Variants in MATN2 observed in about 807,000 individuals in gnomAD.
MATN2 encodes the protein matrilin-2.
Under a neutral mutation model 103.2 loss-of-function variants are expected in MATN2, and 69 were observed. The ratio of observed to expected loss-of-function variants is 0.67; its 90% CI spans 0.55 to 0.82. The LOEUF (loss-of-function observed/expected upper bound fraction) is 0.82, where lower values mean the gene tolerates loss of function less well. Ranked by LOEUF, MATN2 falls within the 40% of genes least tolerant of loss-of-function variation. The pLI is 0.00. For missense variants in MATN2, 1,023 were observed against 1,211.5 expected (o/e 0.84, Z 2.31); for synonymous variants, 429 against 450.2 (o/e 0.95, Z 0.60).
intron 6 of MATN2, among the ~76,000 whole-genome samples, chr8:97,980,518 C>T (rs1223686762): frequency 6.7e-6 from 1 of 149,274 alleles, no homozygotes; most frequent in Admixed American, 6.7e-5. Context: ...AGTTACAGTA[C>T]AGGATGATAA....
At chr8:97,994,127 GGAGA>G (rs1246610133) in intron 6 of MATN2, among the ~76,000 whole-genome samples, 1 of 140,232 alleles carries the variant, frequency 7.1e-6, no homozygotes, top group African/African-American at 2.7e-5. Context: ...AGGAAGGAAG[GGAGA>G]GAGAGGAAGG....
chr8:97,992,313 AC>A (rs1200562403), intron 6 of MATN2, among the ~76,000 whole-genome samples: 1 of 152,108 alleles, frequency 6.6e-6, no homozygotes, highest in South Asian at 2.1e-4. Flanking sequence ...TATGTTTGTA[AC>A]TTTTTGTAAG....
intron 1 of MATN2, among the ~76,000 whole-genome samples, chr8:97,885,154 C>G (rs1334228127): frequency 6.6e-6 from 1 of 152,180 alleles, no homozygotes; most frequent in Non-Finnish European, 1.5e-5. Flanking sequence ...ACATCATATT[C>G]CAAGTGTTGA....
chr8:97,910,164 C>A (rs1031954540), intron 2 of MATN2, among the ~76,000 whole-genome samples: 1 of 151,726 alleles, frequency 6.6e-6, no homozygotes. Flanking sequence ...CAGGTTCAAG[C>A]GATTTTCCCA....
chr8:98,007,326 C>T lies in MATN2; in HGVS notation c.1450+99C>T. 1.3e-6 allele frequency: 2 copies of T among 1,569,818 alleles called. No individual in the cohort carries two copies. The highest frequency in any genetic ancestry group is 1.7e-6 in the Non-Finnish European group (2 of 1,148,514). ...CAGGTTGTACTTGGGCACCCCTCCCCTGCCCCTTGCTCTGCTCCAGGAGAT... is the reference window on the plus strand; with the variant it reads ...CAGGTTGTACTTGGGCACCCCTCCCTTGCCCCTTGCTCTGCTCCAGGAGAT... On this transcript the variant is annotated intron_variant, in intron 9 of 18. Coordinates refer to ENST00000254898, the MANE Select transcript of MATN2 (RefSeq NM_002380.5). This position sits in a 1 kb window ranked among gnomAD's most constrained non-coding sequence, Gnocchi z 4.2.
chr8:97,900,042 C>T (rs1818930393), intron 2 of MATN2, among the ~76,000 whole-genome samples: 1 of 152,186 alleles, frequency 6.6e-6, no homozygotes, highest in Non-Finnish European at 1.5e-5. Flanking sequence ...GAAGATGGGA[C>T]AGGAGTGCAA....
intron 6 of MATN2, among the ~76,000 whole-genome samples, chr8:97,988,262 C>G (rs1224184368): frequency 7.0e-6 from 1 of 143,878 alleles, no homozygotes; most frequent in Non-Finnish European, 1.5e-5. Context: ...CAAGTTTATG[C>G]CAATAACTAT....
At chr8:97,881,658 A>C (rs1481249532) in intron 1 of MATN2, among the ~76,000 whole-genome samples, 1 of 152,220 alleles carries the variant, frequency 6.6e-6, no homozygotes, top group African/African-American at 2.4e-5. Context: ...GATGCCCAAA[A>C]ATGAAAGGAA....
At chr8:97,910,483 T>C (rs537311204) in intron 2 of MATN2, among the ~76,000 whole-genome samples, 45 of 152,316 alleles carry the variant, frequency 3.0e-4, no homozygotes, top group African/African-American at 1.1e-3. Flanking sequence ...GGTTGAGTAA[T>C]CCCTGGAGTG....
chr8:97,921,000 C>T (rs1177492101), intron 2 of MATN2, among the ~76,000 whole-genome samples: 1 of 152,150 alleles, frequency 6.6e-6, no homozygotes, highest in Admixed American at 6.5e-5. Flanking sequence ...ATCATGGGAC[C>T]AGCTGTCTCC....
chr8:97,920,640 C>G (rs1809779140), intron 2 of MATN2, among the ~76,000 whole-genome samples: 1 of 152,166 alleles, frequency 6.6e-6, no homozygotes, highest in Admixed American at 6.5e-5. Context: ...AGGAGAGTCT[C>G]TCTCTGGGAA....
At chr8:97,930,083 G>C (rs1531036) in intron 2 of MATN2, among the ~76,000 whole-genome samples, 64,402 of 152,074 alleles carry the variant, frequency 0.42, 14,782 homozygotes, top group East Asian at 0.83. Flanking sequence ...TGATCCACTC[G>C]ATGTGCTCCT....
At chr8:97,940,522 T>C (rs1810517453) in intron 3 of MATN2, among the ~76,000 whole-genome samples, 1 of 126,750 alleles carries the variant, frequency 7.9e-6, no homozygotes, top group Non-Finnish European at 1.6e-5. Context: ...AGTTCATTTA[T>C]TGCCCACCAT....
At chr8:97,983,106 G>T (rs1563706814) in intron 6 of MATN2, among the ~76,000 whole-genome samples, 1 of 152,028 alleles carries the variant, frequency 6.6e-6, no homozygotes, top group South Asian at 2.1e-4. Flanking sequence ...CACCACTCTC[G>T]GCACTTCATG....
At chr8:97,885,013 C>G (rs1321579310) in intron 1 of MATN2, among the ~76,000 whole-genome samples, 1 of 152,158 alleles carries the variant, frequency 6.6e-6, no homozygotes, top group African/African-American at 2.4e-5. Context: ...ATTTTTAACT[C>G]CTCACTCTTC....
intron 2 of MATN2, among the ~76,000 whole-genome samples, chr8:97,927,457 T>C (rs1016176776): frequency 6.6e-6 from 1 of 152,118 alleles, no homozygotes; most frequent in Non-Finnish European, 1.5e-5. Context: ...ACTGTGCATT[T>C]GGCCTGGTCT....
intron 2 of MATN2, among the ~76,000 whole-genome samples, chr8:97,916,061 ATTTTATTT>A (rs984317946): frequency 2.0e-5 from 3 of 150,074 alleles, no homozygotes; most frequent in African/African-American, 7.4e-5. Flanking sequence ...ATTTTATTTT[ATTTTATTT>A]TATTTTATTT....
intron 3 of MATN2, among the ~76,000 whole-genome samples, chr8:97,936,941 T>G (rs1275033919): frequency 1.3e-5 from 2 of 152,144 alleles, no homozygotes; most frequent in Non-Finnish European, 2.9e-5. Flanking sequence ...GGAATTCCAT[T>G]TTTTTCTAAA....
chr8:98,035,833 C>A lies in MATN2; in HGVS notation c.*121C>A. 1 of 514,090 alleles carries A rather than the reference C, an allele frequency of 1.9e-6. No individual in the cohort carries two copies. The highest frequency in any genetic ancestry group is 4.8e-5 in the South Asian group (1 of 20,644). 31.8% of individuals were successfully genotyped at this position (514,090 alleles called of 1,614,324 possible). On this transcript the variant is annotated 3_prime_UTR_variant, in exon 19 of 19. Coordinates refer to ENST00000254898, the MANE Select transcript of MATN2 (RefSeq NM_002380.5). ...ATGTTGTGAAGTAAAACAATCAGTA[C>A]TGAGAAACCTGGTTTGCCACAGAAC...
Sources: gnomAD v4.1 joint callset for allele counts (sites outside exome capture counted in the v4.1 genomes callset) on GRCh38, gnomAD v4.1.1 for gene constraint, Gnocchi (gnomAD v3.1) non-coding constraint, MANE v1.5 for transcripts, NCBI Gene and HGNC (gene_info 2026-07-23, HGNC 2026-07-21) for gene names.